The following TOX variants were observed in gnomAD, a reference collection of about 807,000 sequenced individuals.
TOX encodes thymocyte selection associated high mobility group box.
TOX carries 11 observed loss-of-function variants against 53.7 expected under a neutral mutation model. That is an observed-to-expected ratio of 0.20 (90% CI 0.13 to 0.34). The LOEUF (loss-of-function observed/expected upper bound fraction) is 0.34. Among genes scored for constraint, TOX ranks in the 10% least tolerant of loss-of-function variants. TOX has a pLI of 1.00. For synonymous variants in TOX, 225 were observed against 245.3 expected, an observed-to-expected ratio of 0.92 and a Z score of 0.77; for missense variants, 570 against 664.6, an observed-to-expected ratio of 0.86 and a Z score of 1.56.
At chr8:59,054,678 C>T (rs1463457982) in intron 1 of TOX, among the ~76,000 whole-genome samples, 2 of 151,854 alleles carry the variant, frequency 1.3e-5, no homozygotes, top group South Asian at 2.1e-4. Flanking sequence ...GAAGTTTCCT[C>T]GCCACAAACC....
At chr8:58,929,782 A>T (rs1812229856) in intron 3 of TOX, among the ~76,000 whole-genome samples, 1 of 152,212 alleles carries the variant, frequency 6.6e-6, no homozygotes, top group South Asian at 2.1e-4. Flanking sequence ...AACATGAGTC[A>T]TATGGGCAAA....
intron 3 of TOX, among the ~76,000 whole-genome samples, chr8:58,858,940 C>T (rs925586017): frequency 6.6e-5 from 10 of 152,120 alleles, no homozygotes; most frequent in South Asian, 2.1e-4. Context: ...TATTTAAGTC[C>T]CCAATTTGAT....
intron 1 of TOX, among the ~76,000 whole-genome samples, chr8:58,983,254 C>T (rs1813234369): frequency 1.3e-5 from 2 of 152,132 alleles, no homozygotes; most frequent in African/African-American, 4.8e-5. Flanking sequence ...GGTTTCCACA[C>T]ATGACATGCA....
At chr8:58,881,255 C>G (rs1034041737) in intron 3 of TOX, among the ~76,000 whole-genome samples, 4 of 152,162 alleles carry the variant, frequency 2.6e-5, no homozygotes, top group African/African-American at 7.2e-5. Context: ...AAAGCAAATA[C>G]ATTTCAACAC....
chr8:58,892,811 C>A (rs958828990), intron 3 of TOX, among the ~76,000 whole-genome samples: 1 of 152,176 alleles, frequency 6.6e-6, no homozygotes, highest in African/African-American at 2.4e-5. Context: ...CGACCTTGGG[C>A]AAGTCACTTC....
At chr8:59,039,676 T>C (rs966365607) in intron 1 of TOX, among the ~76,000 whole-genome samples, 19 of 152,184 alleles carry the variant, frequency 1.2e-4, no homozygotes, top group Non-Finnish European at 8.8e-5. Flanking sequence ...ACTACTTCAC[T>C]CTGGCATCTC....
At chr8:58,846,524 G>A (rs1429938347) in intron 4 of TOX, among the ~76,000 whole-genome samples, 4 of 151,938 alleles carry the variant, frequency 2.6e-5, no homozygotes, top group African/African-American at 9.7e-5. Flanking sequence ...CAGAGCAGTG[G>A]TAAATAAAAA....
At chr8:58,896,967 C>A (rs758252622) in intron 3 of TOX, among the ~76,000 whole-genome samples, 8 of 152,138 alleles carry the variant, frequency 5.3e-5, no homozygotes, top group Non-Finnish European at 1.0e-4. Flanking sequence ...TTTCTTTAGT[C>A]TTTTATTTGT....
At chr8:58,867,386 G>A (rs2129169648) in intron 3 of TOX, among the ~76,000 whole-genome samples, 1 of 152,318 alleles carries the variant, frequency 6.6e-6, no homozygotes, top group South Asian at 2.1e-4. Flanking sequence ...CACATAAGCA[G>A]GCGCTGTCCC....
At chr8:59,066,570 T>A (rs1050034292) in intron 1 of TOX, among the ~76,000 whole-genome samples, 1 of 152,204 alleles carries the variant, frequency 6.6e-6, no homozygotes, top group African/African-American at 2.4e-5. Context: ...ATTGCCTGCC[T>A]TCCCTCTGTC....
intron 4 of TOX, among the ~76,000 whole-genome samples, chr8:58,844,731 C>T (rs992549941): frequency 5.3e-5 from 8 of 152,074 alleles, no homozygotes; most frequent in African/African-American, 1.4e-4. Context: ...CCCTAAATGT[C>T]GCCCTGATTA....
chr8:59,043,793 A>G (rs1803638441), intron 1 of TOX, among the ~76,000 whole-genome samples: 1 of 152,206 alleles, frequency 6.6e-6, no homozygotes, highest in South Asian at 2.1e-4. Context: ...TGCCTTTTGA[A>G]AGGACTACGT....
chr8:59,025,494 G>A (rs528299435), intron 1 of TOX, among the ~76,000 whole-genome samples: 72 of 152,030 alleles, frequency 4.7e-4, no homozygotes, highest in African/African-American at 1.7e-3. Flanking sequence ...TCTTAGCCAG[G>A]CACATAGGAC....
intron 2 of TOX, among the ~76,000 whole-genome samples, chr8:58,952,047 T>G (rs1467447120): frequency 6.6e-6 from 1 of 152,184 alleles, no homozygotes; most frequent in African/African-American, 2.4e-5. Context: ...TAGCTAGGTC[T>G]GCTCCCAAAC....
chr8:59,041,702 T>C (rs141444360), intron 1 of TOX, among the ~76,000 whole-genome samples: 4 of 152,340 alleles, frequency 2.6e-5, no homozygotes, highest in Admixed American at 1.3e-4. Context: ...ATCTGACATA[T>C]GGTAGGAAAA....
chr8:59,059,041 T>G (rs1803933627), intron 1 of TOX, among the ~76,000 whole-genome samples: 1 of 152,148 alleles, frequency 6.6e-6, no homozygotes, highest in Non-Finnish European at 1.5e-5. Context: ...TCAAGAGCAG[T>G]AAGAGTAATC....
At chr8:58,936,759 C>G (rs1812350937) in intron 3 of TOX, among the ~76,000 whole-genome samples, 1 of 152,162 alleles carries the variant, frequency 6.6e-6, no homozygotes, top group South Asian at 2.1e-4. Context: ...ATCTCCAAAT[C>G]TTCTTTCTCT....
At chr8:59,093,796 AACC>A (rs1804666005) in intron 1 of TOX, among the ~76,000 whole-genome samples, 1 of 152,214 alleles carries the variant, frequency 6.6e-6, no homozygotes, top group South Asian at 2.1e-4. Context: ...CTAATAATCC[AACC>A]TTTAAAAAAT....
intron 3 of TOX, among the ~76,000 whole-genome samples, chr8:58,882,629 C>T (rs2129171045): frequency 6.6e-6 from 1 of 152,256 alleles, no homozygotes; most frequent in East Asian, 1.9e-4. Context: ...GCCAATGTCA[C>T]TATAATTTTG....
Sources: allele counts gnomAD v4.1 joint callset (sites outside exome capture counted in the v4.1 genomes callset), GRCh38; gene constraint gnomAD v4.1.1; transcripts MANE v1.5; gene names NCBI Gene and HGNC (gene_info 2026-07-23, HGNC 2026-07-21).